The following SGCZ variants were observed in gnomAD, a reference collection of about 807,000 sequenced individuals.
SGCZ encodes sarcoglycan zeta, also known as zeta-sarcoglycan.
A neutral mutation model predicts 41.3 loss-of-function variants in SGCZ; 40 were observed. That is an observed-to-expected ratio of 0.97 (90% CI 0.75 to 1.26). SGCZ has a LOEUF of 1.26. SGCZ is among the 50% of genes most tolerant of loss of function. SGCZ has a pLI of 0.00. For synonymous variants in SGCZ, 206 were observed against 137.5 expected (o/e 1.50, Z -3.49); for missense variants, 552 against 369.8 (o/e 1.49, Z -4.04).
chr8:14,452,704 T>C (rs1332174325), intron 2 of SGCZ, among the ~76,000 whole-genome samples: 3 of 152,098 alleles, frequency 2.0e-5, no homozygotes, highest in African/African-American at 7.2e-5. Context: ...AGATAGGGTG[T>C]ATATTGGAAC....
At chr8:14,428,071 AC>A (rs1475075014) in intron 2 of SGCZ, among the ~76,000 whole-genome samples, 2 of 151,364 alleles carry the variant, frequency 1.3e-5, no homozygotes, top group African/African-American at 4.9e-5. Flanking sequence ...CTGGAATCAA[AC>A]CCCGCAGATA....
intron 2 of SGCZ, among the ~76,000 whole-genome samples, chr8:14,351,806 T>C (rs1172543880): frequency 6.6e-6 from 1 of 152,104 alleles, no homozygotes; most frequent in Non-Finnish European, 1.5e-5. Flanking sequence ...AATGGGTCTC[T>C]TTTCAGCTTT....
intron 4 of SGCZ, among the ~76,000 whole-genome samples, chr8:14,181,009 G>A (rs1002129878): frequency 4.6e-5 from 7 of 152,078 alleles, no homozygotes; most frequent in East Asian, 3.9e-4. Flanking sequence ...TCATAGAGTC[G>A]ATACCGTTTG....
Position 15,046,807 on chromosome 8 carries a change from C to T in SGCZ, c.39+190778G>A, listed in dbSNP as rs148211574. Among the ~76,000 whole-genome samples, 7 of 152,076 alleles carry T rather than the reference C, an allele frequency of 4.6e-5. No individual in the cohort carries two copies. The East Asian group carries it at 7.7e-4, about 17-fold the overall frequency. ...GCTAATACTGCCAAAACCAATCTGA[C>T]GTTATACCAAACATGCTAGCCTTTC... On this transcript the variant is annotated intron_variant, in intron 1 of 7. Coordinates refer to ENST00000382080, the MANE Select transcript of SGCZ (RefSeq NM_139167.4).
At chr8:14,111,073 A>G (rs556861375) in intron 5 of SGCZ, among the ~76,000 whole-genome samples, 8 of 124,234 alleles carry the variant, frequency 6.4e-5, no homozygotes, top group Non-Finnish European at 6.7e-5. Context: ...CAACAACAAC[A>G]ACAACAAACT....
intron 1 of SGCZ, among the ~76,000 whole-genome samples, chr8:15,114,436 T>C (rs1032117173): frequency 1.3e-5 from 2 of 152,252 alleles, no homozygotes; most frequent in African/African-American, 4.8e-5. Flanking sequence ...CAAATTAAAA[T>C]GTATAAGGCA....
At chr8:15,236,710 G>A (rs990243384) in intron 1 of SGCZ, among the ~76,000 whole-genome samples, 1 of 152,166 alleles carries the variant, frequency 6.6e-6, no homozygotes, top group South Asian at 2.1e-4. Context: ...GCAGGCAGAG[G>A]TGCCCATAGG....
chr8:15,058,711 C>T (rs536828935), intron 1 of SGCZ, among the ~76,000 whole-genome samples: 1 of 152,172 alleles, frequency 6.6e-6, no homozygotes, highest in Non-Finnish European at 1.5e-5. Flanking sequence ...CCTGTCAACA[C>T]TTTTTGTGTT....
chr8:14,949,553 T>C (rs1489667351), intron 1 of SGCZ, among the ~76,000 whole-genome samples: 3 of 152,066 alleles, frequency 2.0e-5, no homozygotes, highest in African/African-American at 7.2e-5. Flanking sequence ...AATCAATACT[T>C]TGGAGATCAT....
intron 1 of SGCZ, among the ~76,000 whole-genome samples, chr8:14,789,210 G>A (rs1337758854): frequency 6.6e-6 from 1 of 151,946 alleles, no homozygotes; most frequent in Non-Finnish European, 1.5e-5. Flanking sequence ...TCCACCAGGA[G>A]CACAAGATGC....
At chr8:14,951,976 T>G (rs1267357617) in intron 1 of SGCZ, among the ~76,000 whole-genome samples, 3 of 152,112 alleles carry the variant, frequency 2.0e-5, no homozygotes, top group Admixed American at 2.0e-4. Context: ...ATGAATTCAT[T>G]TGATGAGAAT....
chr8:14,559,679 A>G (rs1804148970), intron 1 of SGCZ, among the ~76,000 whole-genome samples: 1 of 152,080 alleles, frequency 6.6e-6, no homozygotes, highest in Non-Finnish European at 1.5e-5. Flanking sequence ...GTTAAATCTT[A>G]TGTTTCCATT....
chr8:15,049,754 G>A (rs562217449), intron 1 of SGCZ, among the ~76,000 whole-genome samples: 2 of 152,072 alleles, frequency 1.3e-5, no homozygotes, highest in Non-Finnish European at 2.9e-5. Flanking sequence ...AGCAGGGCAA[G>A]GTTATGATAA....
Position 14,781,307 on chromosome 8 carries a change from C to A in SGCZ, c.40-226381G>T, listed in dbSNP as rs115126288. Among the ~76,000 whole-genome samples the A allele has an allele frequency of 9.5e-3, 1,449 of 152,280 alleles. 30 individuals are homozygous for A. The highest frequency in any genetic ancestry group is 0.033 in the African/African-American group (1,386 of 41,562). On this transcript the variant is annotated intron_variant, in intron 1 of 7. Transcript: ENST00000382080. ...AGTGCAATGGCGCCATCTTGGCTCA[C>A]TGAAACGTCAGCCTCCCAGGTTCTA...
rs138680335 is a variant in SGCZ, at chr8:15,161,028, T to G, written c.39+76557A>C. Among the ~76,000 whole-genome samples the G allele has an allele frequency of 5.6e-4, 85 of 152,228 alleles. 1 individual carries two copies. The highest frequency in any genetic ancestry group is 1.9e-3 in the African/African-American group (79 of 41,544). On this transcript the variant is annotated intron_variant, in intron 1 of 7. Coordinates refer to ENST00000382080, the MANE Select transcript of SGCZ (RefSeq NM_139167.4). ...CTTAAGTCAAATCATGATGCTCTCCTGCTCAGTCCTTCAACGGCCTCTTTC... is the reference window on the plus strand; with the variant it reads ...CTTAAGTCAAATCATGATGCTCTCCGGCTCAGTCCTTCAACGGCCTCTTTC...
chr8:15,028,014 G>C (rs929735709), intron 1 of SGCZ, among the ~76,000 whole-genome samples: 3 of 152,094 alleles, frequency 2.0e-5, no homozygotes, highest in Admixed American at 2.0e-4. Context: ...CACATAACTA[G>C]TAAGTAAATG....
chr8:15,073,874 C>A (rs1805437355), intron 1 of SGCZ, among the ~76,000 whole-genome samples: 1 of 152,134 alleles, frequency 6.6e-6, no homozygotes, highest in Non-Finnish European at 1.5e-5. Flanking sequence ...TGCTCTAATT[C>A]CCCCACCATG....
At chr8:14,404,964 G>A (rs1451531812) in intron 2 of SGCZ, among the ~76,000 whole-genome samples, 1 of 152,170 alleles carries the variant, frequency 6.6e-6, no homozygotes, top group East Asian at 1.9e-4. Flanking sequence ...CCTCCGGGTT[G>A]CAGATCTGGC....
At chr8:15,106,297 T>C (rs1806822900) in intron 1 of SGCZ, among the ~76,000 whole-genome samples, 1 of 152,088 alleles carries the variant, frequency 6.6e-6, no homozygotes, top group African/African-American at 2.4e-5. Context: ...TCACATGCAT[T>C]TATAAGACAA....
Sources: gnomAD v4.1 joint callset for allele counts (sites outside exome capture counted in the v4.1 genomes callset) on GRCh38, gnomAD v4.1.1 for gene constraint, MANE v1.5 for transcripts, NCBI Gene and HGNC (gene_info 2026-07-23, HGNC 2026-07-21) for gene names.